Variants in RELN observed in about 807,000 individuals in gnomAD.
The protein encoded by RELN is reelin.
In RELN, 108 loss-of-function variants were observed where a neutral mutation model predicts 427.6. That is an observed-to-expected ratio of 0.25 (90% CI 0.22 to 0.30). The LOEUF (loss-of-function observed/expected upper bound fraction) is 0.30. Among genes scored for constraint, RELN ranks in the 10% least tolerant of loss-of-function variants. The probability of loss-of-function intolerance (pLI) is 1.00; values close to 1 mark genes in which losing one functional copy is unlikely to be tolerated. For missense variants in RELN, 3,715 were observed against 4,302.8 expected, an observed-to-expected ratio of 0.86 and a Z score of 3.82; for synonymous variants, 1,524 against 1,513.4, an observed-to-expected ratio of 1.01 and a Z score of -0.16.
intron 3 of RELN, among the ~76,000 whole-genome samples, chr7:103,832,108 G>C (rs1490116326): frequency 6.6e-6 from 1 of 152,130 alleles, no homozygotes; most frequent in Non-Finnish European, 1.5e-5. Context: ...ATATATTTTA[G>C]TGATGTCTGA....
chr7:103,809,270 G>T (rs1202835013), intron 3 of RELN, among the ~76,000 whole-genome samples: 1 of 152,146 alleles, frequency 6.6e-6, no homozygotes, highest in Non-Finnish European at 1.5e-5. Context: ...TGTTTCTGTT[G>T]ACTCAGTGAG....
At chr7:103,839,719 C>T (rs1385092385) in intron 2 of RELN, among the ~76,000 whole-genome samples, 1 of 152,106 alleles carries the variant, frequency 6.6e-6, no homozygotes, top group South Asian at 2.1e-4. Context: ...CTTACTATGA[C>T]CTGGCACTAC....
intron 28 of RELN, among the ~76,000 whole-genome samples, chr7:103,583,058 T>G (rs940176105): frequency 1.3e-5 from 2 of 152,224 alleles, no homozygotes; most frequent in African/African-American, 4.8e-5. Flanking sequence ...ACATTTCATT[T>G]AGACATGCCA....
intron 6 of RELN, among the ~76,000 whole-genome samples, chr7:103,742,011 C>A (rs1472827807): frequency 2.0e-5 from 3 of 152,110 alleles, no homozygotes; most frequent in Admixed American, 1.3e-4. Flanking sequence ...CTGGGAGGCA[C>A]CCCCCAGTAG....
intron 64 of RELN, among the ~76,000 whole-genome samples, chr7:103,477,595 G>T (rs1216619400): frequency 6.6e-6 from 1 of 152,182 alleles, no homozygotes; most frequent in Non-Finnish European, 1.5e-5. Flanking sequence ...TTTTCAGGAA[G>T]GCTATGCATA....
At position 103,483,739 on chromosome 7, in the gene RELN, G is replaced by C; in HGVS notation, c.10095C>G (p.Val3365=). 2 of 1,614,170 alleles carry C rather than the reference G, an allele frequency of 1.2e-6. No individual in the cohort carries two copies. The highest frequency in any genetic ancestry group is 1.7e-6 in the Non-Finnish European group (2 of 1,180,004). Residue 3365 remains valine (V), a synonymous_variant, in exon 62 of 65, where the codon GTC becomes GTG. Coordinates refer to ENST00000428762, the MANE Select transcript of RELN (RefSeq NM_005045.4). ...VDKAVLLQYS[V]NNGITWHVIA... ...TGACATGCCAGGTGATCCCGTTGTT[G>C]ACGCTGTATTGCAGCAGCACTGCCT...
chr7:103,635,686 CCT>C, intron 18 of RELN, 100 bp from the exon 19 acceptor site: 1 of 949,850 alleles, frequency 1.1e-6, no homozygotes, highest in Middle Eastern at 2.2e-4. Flanking sequence ...TCTACTCACC[CCT>C]CTTTTACAAA....
intron 2 of RELN, among the ~76,000 whole-genome samples, chr7:103,871,222 C>T (rs1794325927): frequency 6.6e-6 from 1 of 151,240 alleles, no homozygotes; most frequent in African/African-American, 2.4e-5. Flanking sequence ...ACCTCTAGCT[C>T]TTTTTCTATT....
At chr7:103,916,512 G>T (rs1401873992) in intron 2 of RELN, among the ~76,000 whole-genome samples, 1 of 152,112 alleles carries the variant, frequency 6.6e-6, no homozygotes, top group Non-Finnish European at 1.5e-5. Context: ...GAGATTAATG[G>T]ACATCACGTG....
In RELN at chr7:103,565,542, C is replaced by T. The variant is rs748067380; in HGVS notation, c.4946G>A (p.Arg1649His). The T allele has an allele frequency of 3.7e-6, 6 of 1,604,168 alleles. No individual in the cohort carries two copies. Among genetic ancestry groups the T allele is most frequent in the Admixed American group, 1.7e-5 (1 of 58,884 alleles). ...LIFTENIGKP[R>H]YAETWDFHVS... ...ATGAAAATCCCAGGTCTCAGCATAA[C>T]GAGGTTTTCCTGAAAAAAAAAAATG... Residue 1649 changes from arginine to histidine, a missense_variant, in exon 34 of 65, where the codon CGT becomes CAT. This residue lies in a region of RELN where 2,208 missense variants were observed against 2,361.7 expected (regional missense o/e 0.93). Transcript: ENST00000428762.
intron 47 of RELN, 137 bp downstream of exon 47, chr7:103,523,254 G>C (rs1422143217): frequency 1.1e-6 from 1 of 948,222 alleles, no homozygotes; most frequent in Non-Finnish European, 1.7e-6. Context: ...TTCACAGTTA[G>C]CTCAAGATCA....
At chr7:103,698,768 G>A (rs1484450418) in intron 9 of RELN, among the ~76,000 whole-genome samples, 2 of 152,118 alleles carry the variant, frequency 1.3e-5, no homozygotes, top group African/African-American at 2.4e-5. Context: ...TTCTGCCTCA[G>A]CCTCCCAAAG....
intron 1 of RELN, among the ~76,000 whole-genome samples, chr7:103,951,336 A>G (rs1796327161): frequency 6.6e-6 from 1 of 152,244 alleles, no homozygotes; most frequent in Non-Finnish European, 1.5e-5. Flanking sequence ...GGAAGGAACA[A>G]TATTCTAGAG....
rs1187755955 is a variant in RELN, at chr7:103,603,976, T to G, written c.3146+370A>C. On this transcript the variant is annotated intron_variant, in intron 23 of 64. Coordinates refer to ENST00000428762, the MANE Select transcript of RELN (RefSeq NM_005045.4). The surrounding 1 kb of genome is among the most constrained non-coding windows in gnomAD (Gnocchi z 4.3). ...ATTAGCAATAATCACCATCTCCCCA[T>G]GTATACAACCTTGAACTTCTGGTGA... Among the ~76,000 whole-genome samples, 1 of 152,168 alleles carries G rather than the reference T, an allele frequency of 6.6e-6. No homozygotes were observed. The highest frequency in any genetic ancestry group is 2.4e-5 in the African/African-American group (1 of 41,440).
intron 10 of RELN, among the ~76,000 whole-genome samples, chr7:103,692,889 A>G (rs1171670757): frequency 6.6e-6 from 1 of 152,062 alleles, no homozygotes; most frequent in Non-Finnish European, 1.5e-5. Context: ...CTTCTCAGAG[A>G]CAATGGCATT....
intron 12 of RELN, among the ~76,000 whole-genome samples, chr7:103,660,625 T>C (rs1019568020): frequency 2.0e-5 from 3 of 152,196 alleles, no homozygotes; most frequent in East Asian, 1.9e-4. Context: ...TCTTTGCTAG[T>C]AAGTTCAAAG....
chr7:103,728,277 AAACGATATAATATTT>A, intron 6 of RELN, 70 bp from the exon 7 acceptor site: 2 of 1,358,258 alleles, frequency 1.5e-6, no homozygotes, highest in Admixed American at 3.4e-5. Context: ...CTCAGGTAAG[AAACGATATAATATTT>A]ATTGTTACTC....
chr7:103,957,052 G>A (rs1796447470), intron 1 of RELN, among the ~76,000 whole-genome samples: 1 of 152,184 alleles, frequency 6.6e-6, no homozygotes, highest in Admixed American at 6.5e-5. Context: ...GCAGTGTGCA[G>A]GGAAGGAGAA....
At chr7:103,751,249 T>C (rs1790992077) in intron 5 of RELN, among the ~76,000 whole-genome samples, 1 of 152,338 alleles carries the variant, frequency 6.6e-6, no homozygotes, top group African/African-American at 2.4e-5. Context: ...TAACTTTTTC[T>C]TTTAAAGGTG....
Sources: gnomAD v4.1 joint callset for allele counts (sites outside exome capture counted in the v4.1 genomes callset) on GRCh38, gnomAD v4.1.1 for gene constraint, gnomAD v4.1.1 regional missense constraint, Gnocchi (gnomAD v3.1) non-coding constraint, MANE v1.5 for transcripts, NCBI Gene and HGNC (gene_info 2026-07-23, HGNC 2026-07-21) for gene names.